Variants in NINL observed in about 807,000 individuals in gnomAD.
NINL encodes the protein ninein like, also known as ninein-like protein.
In NINL, 153 loss-of-function variants were observed where a neutral mutation model predicts 160.3. That is an observed-to-expected ratio of 0.95 (90% CI 0.84 to 1.09). The LOEUF is 1.09. NINL is among the 50% of genes least tolerant of loss of function. The probability of loss-of-function intolerance (pLI) is 0.00; values close to 1 mark genes in which losing one functional copy is unlikely to be tolerated. For synonymous variants in NINL, 800 were observed against 734.8 expected (o/e 1.09, Z -1.43); for missense variants, 1,829 against 1,764.0 (o/e 1.04, Z -0.66).
intron 3 of NINL, among the ~76,000 whole-genome samples, chr20:25,514,924 C>A (rs1305241516): frequency 2.6e-5 from 4 of 152,224 alleles, no homozygotes; most frequent in Non-Finnish European, 4.4e-5. Context: ...ATGAAGACAT[C>A]TGATGTCCAG....
At chr20:25,538,616 G>C (rs1327567631) in intron 1 of NINL, among the ~76,000 whole-genome samples, 2 of 152,168 alleles carry the variant, frequency 1.3e-5, no homozygotes, top group Non-Finnish European at 2.9e-5. Context: ...CATGGACATG[G>C]CCTGGCCCCA....
Position 25,503,999 on chromosome 20 carries a change from C to G in NINL, c.814G>C (p.Glu272Gln), listed in dbSNP as rs1479459301. ...CTCGGTTTAACCCGAGTGGAAGACT[C>G]TAGAAGTAGCGCGGGCTCATGACTG... ...LFSHEPALLL[E>Q]SSTRVKPSKA... is the part of the protein sequence containing the mutation. The change falls in exon 7 of 24, where the codon GAG (glutamate) becomes CAG (glutamine). Residue 272 changes from glutamate (E) to glutamine (Q), a missense_variant. Glu to Gln is a conservative substitution (Grantham distance 29). Coordinates refer to ENST00000278886, the MANE Select transcript of NINL (RefSeq NM_025176.6). 1 of 1,613,982 alleles carries G rather than the reference C, an allele frequency of 6.2e-7. No homozygotes were observed. Among genetic ancestry groups the G allele is most frequent in the African/African-American group, 1.3e-5 (1 of 74,912 alleles).
At chr20:25,508,646 G>A (rs1054690291) in intron 5 of NINL, among the ~76,000 whole-genome samples, 1 of 152,230 alleles carries the variant, frequency 6.6e-6, no homozygotes, top group Non-Finnish European at 1.5e-5. Context: ...TGCCACCCTG[G>A]TCCTTCTACA....
At chr20:25,524,903 A>AT (rs1259279014) in intron 2 of NINL, among the ~76,000 whole-genome samples, 5 of 121,406 alleles carry the variant, frequency 4.1e-5, no homozygotes, top group Admixed American at 8.2e-5. Flanking sequence ...ACTCAAATTA[A>AT]AATATATATA....
At chr20:25,490,282 C>T (rs567608674) in intron 11 of NINL, among the ~76,000 whole-genome samples, 8 of 152,170 alleles carry the variant, frequency 5.3e-5, no homozygotes, top group South Asian at 2.1e-4. Flanking sequence ...GGTGGAGAGC[C>T]GGGCACGGTG....
chr20:25,564,411 G>A (rs1201972258), intron 1 of NINL, among the ~76,000 whole-genome samples: 2 of 152,058 alleles, frequency 1.3e-5, no homozygotes, highest in African/African-American at 2.4e-5. Context: ...TCCACCTCTT[G>A]GGTTCAACCC....
intron 11 of NINL, 81 bp from the exon 12 acceptor site, chr20:25,490,066 TC>T: frequency 7.9e-7 from 1 of 1,257,990 alleles, no homozygotes; most frequent in Non-Finnish European, 1.2e-6. Flanking sequence ...GAGGCTTGCT[TC>T]TCATAGGACT....
intron 13 of NINL, among the ~76,000 whole-genome samples, chr20:25,485,071 G>A (rs762947397): frequency 1.3e-5 from 2 of 152,022 alleles, no homozygotes; most frequent in African/African-American, 2.4e-5. Flanking sequence ...AAAGCGAGGA[G>A]GACAACATTC....
intron 2 of NINL, among the ~76,000 whole-genome samples, chr20:25,519,569 T>C (rs2064225198): frequency 6.6e-6 from 1 of 152,182 alleles, no homozygotes. Context: ...CCTTTTAGAA[T>C]AGTGGAAATG....
chr20:25,585,195 G>T (rs943532379), intron 1 of NINL, among the ~76,000 whole-genome samples: 11 of 152,196 alleles, frequency 7.2e-5, no homozygotes, highest in Non-Finnish European at 4.4e-5. Flanking sequence ...CCGCCGTCGG[G>T]AAACCGGGTT....
intron 22 of NINL, among the ~76,000 whole-genome samples, chr20:25,457,882 T>C (rs547008489): frequency 1.3e-5 from 2 of 152,320 alleles, no homozygotes; most frequent in South Asian, 4.1e-4. Flanking sequence ...AGCAGGACTT[T>C]ACAGATGAGG....
intron 4 of NINL, 76 bp from the exon 5 acceptor site, chr20:25,510,816 G>A (rs2064056626): frequency 1.8e-6 from 2 of 1,140,722 alleles, no homozygotes; most frequent in Admixed American, 1.9e-5. Flanking sequence ...AACAAATAGA[G>A]CAGGATGTTT....
At chr20:25,509,374 T>C (rs2064025134) in intron 5 of NINL, among the ~76,000 whole-genome samples, 1 of 152,204 alleles carries the variant, frequency 6.6e-6, no homozygotes, top group African/African-American at 2.4e-5. Context: ...ATGCAGTCCA[T>C]CCTAAGTCTC....
intron 1 of NINL, among the ~76,000 whole-genome samples, chr20:25,582,495 T>C (rs765547756): frequency 6.6e-5 from 10 of 152,098 alleles, no homozygotes; most frequent in Non-Finnish European, 1.5e-4. Flanking sequence ...AAATCTGAAG[T>C]CCAAGTTCCT....
chr20:25,563,061 G>T (rs1053900563), intron 1 of NINL, among the ~76,000 whole-genome samples: 1 of 152,232 alleles, frequency 6.6e-6, no homozygotes, highest in African/African-American at 2.4e-5. Context: ...AGCTACTTAG[G>T]AGGCTGAGGC....
intron 1 of NINL, among the ~76,000 whole-genome samples, chr20:25,538,842 G>A (rs988328320): frequency 3.1e-4 from 47 of 152,064 alleles, no homozygotes; most frequent in African/African-American, 1.1e-3. Flanking sequence ...ACAAGGCCGG[G>A]GAGCACAGGG....
intron 8 of NINL, among the ~76,000 whole-genome samples, chr20:25,499,712 C>G (rs993576721): frequency 6.6e-6 from 1 of 152,002 alleles, no homozygotes; most frequent in Non-Finnish European, 1.5e-5. Context: ...TGGACTGTTT[C>G]AAGGGCTGTC....
At chr20:25,493,836 A>AGC (rs1180602491) in intron 10 of NINL, among the ~76,000 whole-genome samples, 3 of 150,082 alleles carry the variant, frequency 2.0e-5, no homozygotes, top group Admixed American at 6.6e-5. Flanking sequence ...GGCCTGGCCC[A>AGC]GCACCTCCAT....
intron 9 of NINL, among the ~76,000 whole-genome samples, chr20:25,497,662 C>A (rs907251979): frequency 2.0e-5 from 3 of 152,242 alleles, no homozygotes; most frequent in Non-Finnish European, 4.4e-5. Flanking sequence ...GGTTCTCAGC[C>A]CAACGTCACG....
Sources: allele counts gnomAD v4.1 joint callset (sites outside exome capture counted in the v4.1 genomes callset), GRCh38; gene constraint gnomAD v4.1.1; transcripts MANE v1.5; gene names NCBI Gene and HGNC (gene_info 2026-07-23, HGNC 2026-07-21).